Variants in AGAP1 observed in about 807,000 individuals in gnomAD.
The protein encoded by AGAP1 is ArfGAP with GTPase domain, ankyrin repeat and PH domain 1, also known as arf-GAP with GTPase, ANK repeat and PH domain-containing protein 1.
Under a neutral mutation model 105.3 loss-of-function variants are expected in AGAP1, and 29 were observed. That is an observed-to-expected ratio of 0.28 (90% confidence interval 0.21 to 0.38). The LOEUF is 0.38. AGAP1 is among the 10% of genes least tolerant of loss of function. The pLI is 1.00. For synonymous variants in AGAP1, 509 were observed against 485.9 expected (o/e 1.05, Z -0.63); for missense variants, 998 against 1,165.1 (o/e 0.86, Z 2.09).
chr2:236,036,590 G>A lies in AGAP1; in HGVS notation c.1675G>A (p.Val559Met). 1 of 1,614,164 alleles carries A rather than the reference G, an allele frequency of 6.2e-7. No homozygotes were observed. Among genetic ancestry groups the A allele is most frequent in the Non-Finnish European group, 8.5e-7 (1 of 1,180,014 alleles). The change falls in exon 14 of 18, where the codon GTG (valine) becomes ATG (methionine). Residue 559 changes from valine to methionine, a missense_variant. Val to Met is a conservative substitution (Grantham distance 21). This residue lies in a region of AGAP1 where 735 missense variants were observed against 833.4 expected (regional missense o/e 0.88). Coordinates refer to ENST00000304032, the MANE Select transcript of AGAP1 (RefSeq NM_001037131.3). The surrounding 1 kb of genome is among the most constrained non-coding windows in gnomAD (Gnocchi z 5.7). The stretch of plus-strand genomic sequence containing the variant: ...AGAAGAAAATTTTGAGTTTATCATT[G>A]TGTCCCTCACTGGCCAAACATGGCA... The part of the protein sequence containing the change: ...EQEENFEFII[V>M]SLTGQTWHFE...
intron 1 of AGAP1, among the ~76,000 whole-genome samples, chr2:235,581,134 CAAAAAAA>C (rs60330965): frequency 0.44 from 38,986 of 88,288 alleles, 6,028 homozygotes; most frequent in Middle Eastern, 0.55. Context: ...CCATCTCAAG[CAAAAAAA>C]AAAAAAAAAA....
chr2:236,095,231 T>C lies in AGAP1; in HGVS notation c.2115-24961T>C, dbSNP rs2059163384. ...GGGAACTGTGGTGAAACCCCGTCTC[T>C]ACAAAAAAGTTAAAAATTAGCCAGG... is the stretch of plus-strand genomic sequence containing the variant. On this transcript the variant is annotated intron_variant, in intron 16 of 17. Coordinates refer to ENST00000304032, the MANE Select transcript of AGAP1 (RefSeq NM_001037131.3). The surrounding 1 kb of genome is among the most constrained non-coding windows in gnomAD (Gnocchi z 4.1). Among the ~76,000 whole-genome samples, 1 of 150,884 alleles carries C rather than the reference T, an allele frequency of 6.6e-6. No homozygotes were observed. The highest frequency in any genetic ancestry group is 6.6e-5 in the Admixed American group (1 of 15,064).
At chr2:235,929,384 C>T (rs2052609718) in intron 11 of AGAP1, among the ~76,000 whole-genome samples, 1 of 152,188 alleles carries the variant, frequency 6.6e-6, no homozygotes, top group African/African-American at 2.4e-5. Flanking sequence ...CCGATCCTTC[C>T]TTCCCTGGGG....
At chr2:236,081,987 G>A (rs562675098) in intron 16 of AGAP1, among the ~76,000 whole-genome samples, 4 of 152,270 alleles carry the variant, frequency 2.6e-5, no homozygotes, top group African/African-American at 7.2e-5. Context: ...CTGAAATTTA[G>A]AGACAGGAAA....
rs72025139 is a variant in AGAP1 at position 236,123,704 on chromosome 2, GA to G, written c.2371-206del. On this transcript the variant is annotated intron_variant, in intron 17 of 17. Coordinates refer to ENST00000304032, the MANE Select transcript of AGAP1 (RefSeq NM_001037131.3). This position sits in a 1 kb window ranked among gnomAD's most constrained non-coding sequence, Gnocchi z 4.6. ...TTGCACAAAGGAGGGGCTTTCAGTT[GA>G]AAAAAAAAGACATGTTCTTTCCTTA... is the stretch of plus-strand genomic sequence containing the variant. 4.1e-5 allele frequency among the ~76,000 whole-genome samples: 5 copies of G among 122,134 alleles called. No individual in the cohort carries two copies. In the East Asian group the frequency reaches 9.7e-4, roughly 24 times the overall value. 80.1% of individuals were successfully genotyped at this position (122,134 alleles called of 152,430 possible).
At chr2:235,876,634 A>G (rs2049746797) in intron 9 of AGAP1, among the ~76,000 whole-genome samples, 1 of 152,110 alleles carries the variant, frequency 6.6e-6, no homozygotes, top group African/African-American at 2.4e-5. Flanking sequence ...TGGCTCAGTG[A>G]ATGACCCCAC....
chr2:235,641,419 CCT>C (rs1481724613), intron 1 of AGAP1, among the ~76,000 whole-genome samples: 1 of 150,000 alleles, frequency 6.7e-6, no homozygotes, highest in East Asian at 2.0e-4. Flanking sequence ...AAATGCCTCT[CCT>C]CTCCCCGACC....
intron 1 of AGAP1, among the ~76,000 whole-genome samples, chr2:235,656,687 A>G (rs1209752729): frequency 6.6e-6 from 1 of 152,054 alleles, no homozygotes; most frequent in Non-Finnish European, 1.5e-5. Context: ...AGGGATAAGA[A>G]CCCCTTCCCT....
At chr2:235,802,688 G>GTGGTGATGATGGTTGTGA (rs1559505230) in intron 8 of AGAP1, among the ~76,000 whole-genome samples, 1 of 127,620 alleles carries the variant, frequency 7.8e-6, no homozygotes, top group Non-Finnish European at 1.7e-5. Context: ...GATGGTTGTG[G>GTGGTGATGATGGTTGTGA]TGGTGATGAT....
chr2:235,953,295 G>C lies in AGAP1; in HGVS notation c.1484-15167G>C, dbSNP rs900744858. Among the ~76,000 whole-genome samples the C allele has an allele frequency of 2.6e-5, 4 of 152,198 alleles. No individual in the cohort carries two copies. Among genetic ancestry groups the C allele is most frequent in the African/African-American group, 9.6e-5 (4 of 41,452 alleles). ...TTAACCCCCAAAAAAGTACCCCGAT[G>C]GTTCCCACAGTTGCCTTCTAACATA... On this transcript the variant is annotated intron_variant, in intron 12 of 17. Transcript: ENST00000304032. The surrounding 1 kb of genome is among the most constrained non-coding windows in gnomAD (Gnocchi z 5.2).
Position 235,741,909 on chromosome 2 carries a change from A to G in AGAP1, c.396+861A>G, listed in dbSNP as rs1952612901. Among the ~76,000 whole-genome samples the G allele has an allele frequency of 6.6e-6, 1 of 151,782 alleles. No homozygotes were observed. Among genetic ancestry groups the G allele is most frequent in the Non-Finnish European group, 1.5e-5 (1 of 67,950 alleles). On this transcript the variant is annotated intron_variant, in intron 4 of 17. Transcript: ENST00000304032. The surrounding 1 kb of genome is among the most constrained non-coding windows in gnomAD (Gnocchi z 4.9). ...GCTGGGACTACGGGCGCCTGCTACC[A>G]CGCCTGGCTAATTTTTTGTATTTTT... is the stretch of plus-strand genomic sequence containing the variant.
chr2:235,649,513 A>G (rs959159979), intron 1 of AGAP1, among the ~76,000 whole-genome samples: 6 of 152,164 alleles, frequency 3.9e-5, no homozygotes, highest in Non-Finnish European at 8.8e-5. Context: ...AACTGAGACT[A>G]CAGGTGCGCA....
rs868683519 is a variant in AGAP1, at chr2:235,663,095, C to T, written c.164-46084C>T. On this transcript the variant is annotated intron_variant, in intron 1 of 17. Transcript: ENST00000304032. The surrounding 1 kb of genome is among the most constrained non-coding windows in gnomAD (Gnocchi z 5.4). ...ATCCCAGCACTTTGGGAGGCCGAGG[C>T]GGGTGGATCATCTGAGGTCAGCCTG... Among the ~76,000 whole-genome samples the T allele has an allele frequency of 2.0e-5, 3 of 152,066 alleles. No individual in the cohort carries two copies. Among genetic ancestry groups the T allele is most frequent in the African/African-American group, 4.8e-5 (2 of 41,406 alleles).
In AGAP1 at chr2:236,125,082, A is replaced by T. The variant is rs2059982018; in HGVS notation, c.*960A>T. ...TATATTTCGTAAACTAAGGAAATAC[A>T]CAAAAGGCTGTTTTTTCCGACTGTA... is the stretch of plus-strand genomic sequence containing the variant. On this transcript the variant is annotated 3_prime_UTR_variant, in exon 18 of 18. Coordinates refer to ENST00000304032, the MANE Select transcript of AGAP1 (RefSeq NM_001037131.3). The surrounding 1 kb of genome is among the most constrained non-coding windows in gnomAD (Gnocchi z 5.2). 1 of 165,734 alleles carries T rather than the reference A, an allele frequency of 6.0e-6. No individual in the cohort carries two copies. The highest frequency in any genetic ancestry group is 1.5e-5 in the Non-Finnish European group (1 of 68,120). The allele number at this position is 165,734 out of a possible 1,614,324, so 10.3% of individuals were successfully genotyped here. A position where few individuals can be genotyped will look rare whatever the true frequency, so the allele number is the denominator to read the frequency against.
intron 1 of AGAP1, among the ~76,000 whole-genome samples, chr2:235,629,577 G>A (rs949929075): frequency 6.6e-6 from 1 of 151,936 alleles, no homozygotes; most frequent in Non-Finnish European, 1.5e-5. Flanking sequence ...AGAGTAAGAA[G>A]TCATTGAGGG....
At chr2:235,537,217 G>A (rs563334821) in intron 1 of AGAP1, among the ~76,000 whole-genome samples, 6 of 152,346 alleles carry the variant, frequency 3.9e-5, no homozygotes, top group South Asian at 2.1e-4. Context: ...CAATGAGAGC[G>A]GGGGTGGTGT....
intron 2 of AGAP1, among the ~76,000 whole-genome samples, chr2:235,713,858 G>C (rs1252302308): frequency 1.3e-5 from 2 of 152,284 alleles, no homozygotes; most frequent in African/African-American, 4.8e-5. Flanking sequence ...CTGGTTCGTA[G>C]GTGGCATCTT....
intron 16 of AGAP1, among the ~76,000 whole-genome samples, chr2:236,068,372 G>T (rs188817227): frequency 6.6e-6 from 1 of 152,058 alleles, no homozygotes; most frequent in African/African-American, 2.4e-5. Flanking sequence ...CCTTCCTGTT[G>T]GCCAACTCCC....
chr2:235,680,347 C>T (rs1390073670), intron 1 of AGAP1, among the ~76,000 whole-genome samples: 1 of 152,058 alleles, frequency 6.6e-6, no homozygotes, highest in East Asian at 1.9e-4. Flanking sequence ...AGGGGTGGGA[C>T]AGGGCAGGGG....
Sources: gnomAD v4.1 joint callset for allele counts (sites outside exome capture counted in the v4.1 genomes callset) on GRCh38, gnomAD v4.1.1 for gene constraint, gnomAD v4.1.1 regional missense constraint, Gnocchi (gnomAD v3.1) non-coding constraint, MANE v1.5 for transcripts, NCBI Gene and HGNC (gene_info 2026-07-23, HGNC 2026-07-21) for gene names.